Variants in NOTCH2 observed in about 807,000 individuals in gnomAD.
The protein encoded by NOTCH2 is notch receptor 2, also known as neurogenic locus notch homolog protein 2.
A neutral mutation model predicts 235.8 loss-of-function variants in NOTCH2; 29 were observed. The ratio of observed to expected loss-of-function variants is 0.12; its 90% CI spans 0.09 to 0.17. NOTCH2 has a LOEUF of 0.17. Ranked by LOEUF, NOTCH2 falls within the 10% of genes least tolerant of loss-of-function variation. NOTCH2 has a pLI of 1.00. For synonymous variants in NOTCH2, 1,086 were observed against 1,141.5 expected, an observed-to-expected ratio of 0.95 and a Z score of 0.98; for missense variants, 2,285 against 3,150.2, an observed-to-expected ratio of 0.73 and a Z score of 6.57.
Position 119,912,700 on chromosome 1 carries a change from T to C in NOTCH2, c.*2606A>G. On this transcript the variant is annotated 3_prime_UTR_variant, in exon 34 of 34. Transcript: ENST00000256646. ...GAGGATCTATACATGGCATAAAAGA[T>C]GTGTCTCATAAAAACTGAGTCTCCA... 1 of 233,364 alleles carries C rather than the reference T, an allele frequency of 4.3e-6. No individual in the cohort carries two copies. Among genetic ancestry groups the C allele is most frequent in the East Asian group, 6.0e-5 (1 of 16,544 alleles). The allele number at this position is 233,364 out of a possible 1,614,324, so 14.5% of individuals were successfully genotyped here.
intron 16 of NOTCH2, among the ~76,000 whole-genome samples, chr1:119,948,782 G>A (rs900518318): frequency 1.3e-5 from 2 of 152,120 alleles, no homozygotes; most frequent in African/African-American, 4.8e-5. Context: ...GGCTTGTGAG[G>A]CTTAGGTTGC....
At chr1:119,970,040 A>G (rs1429400757) in intron 5 of NOTCH2, among the ~76,000 whole-genome samples, 1 of 152,198 alleles carries the variant, frequency 6.6e-6, no homozygotes, top group African/African-American at 2.4e-5. Flanking sequence ...GAGTTAACTA[A>G]TCCCTGGGTC....
chr1:119,947,540 T>G (rs1650304042), intron 17 of NOTCH2, among the ~76,000 whole-genome samples: 1 of 152,220 alleles, frequency 6.6e-6, no homozygotes, highest in Non-Finnish European at 1.5e-5. Flanking sequence ...CAAACAGAAC[T>G]TTCATACAAT....
rs1553195620 is a variant in NOTCH2, at chr1:119,935,481, C to A, written c.3646G>T (p.Gly1216Cys). ...AAGGATGATTTCATACCCCGAGTGC[C>A]TGGTGGGCAAGAGCACTTGAAATGG... ...VNHFKCSCPP[G>C]TRGLLCEENI... Residue 1216 changes from glycine to cysteine, a missense_variant, in exon 22 of 34, where the codon GGC becomes TGC. Physicochemically the swap from Gly to Cys is radical, Grantham distance 159. Transcript: ENST00000256646. 6.2e-7 allele frequency: 1 copy of A among 1,614,078 alleles called. No individual in the cohort carries two copies. Among genetic ancestry groups the A allele is most frequent in the African/African-American group, 1.3e-5 (1 of 74,922 alleles).
chr1:119,949,639 G>T (rs1370905937), intron 15 of NOTCH2, among the ~76,000 whole-genome samples: 1 of 152,074 alleles, frequency 6.6e-6, no homozygotes, highest in East Asian at 1.9e-4. Flanking sequence ...GCCTGCCTCG[G>T]CCTCCCAAAG....
chr1:119,940,230 T>C (rs1347268109), intron 19 of NOTCH2, among the ~76,000 whole-genome samples: 3 of 152,212 alleles, frequency 2.0e-5, no homozygotes, highest in African/African-American at 7.2e-5. Context: ...TTATTCTCTA[T>C]TTTCTTCAGT....
chr1:120,059,905 TTAAG>T (rs1169674692), intron 1 of NOTCH2, among the ~76,000 whole-genome samples: 2 of 33,488 alleles, frequency 6.0e-5, no homozygotes, highest in Non-Finnish European at 1.2e-4. Context: ...TATTTTTTTA[TTAAG>T]TATTAAAGTA....
At chr1:119,973,845 A>G (rs1456837260) in intron 5 of NOTCH2, among the ~76,000 whole-genome samples, 1 of 152,184 alleles carries the variant, frequency 6.6e-6, no homozygotes, top group Non-Finnish European at 1.5e-5. Flanking sequence ...GGAATACAGG[A>G]TTAAGTCTTA....
At chr1:119,926,047 T>C (rs913831115) in intron 24 of NOTCH2, among the ~76,000 whole-genome samples, 5 of 152,220 alleles carry the variant, frequency 3.3e-5, no homozygotes, top group African/African-American at 1.2e-4. Context: ...ATAGCTAAAA[T>C]TGAGCTTCCC....
chr1:119,919,762 C>T, intron 30 of NOTCH2, 149 bp from the exon 31 acceptor site: 4 of 770,922 alleles, frequency 5.2e-6, no homozygotes, highest in Non-Finnish European at 6.5e-6. Flanking sequence ...TTCACATTTG[C>T]CACCTTTTCC....
chr1:120,004,666 G>T (rs1298730436), intron 3 of NOTCH2, among the ~76,000 whole-genome samples: 1 of 152,112 alleles, frequency 6.6e-6, no homozygotes, highest in African/African-American at 2.4e-5. Flanking sequence ...TGAATGTCTA[G>T]GGAGGGAGAT....
intron 1 of NOTCH2, among the ~76,000 whole-genome samples, chr1:120,062,777 C>A (rs1655358792): frequency 6.8e-6 from 1 of 146,612 alleles, no homozygotes; most frequent in Admixed American, 6.7e-5. Flanking sequence ...AGCAGAGCTA[C>A]AAAGATAGCA....
At chr1:119,978,569 G>A (rs1031563882) in intron 5 of NOTCH2, among the ~76,000 whole-genome samples, 5 of 152,174 alleles carry the variant, frequency 3.3e-5, no homozygotes, top group African/African-American at 4.8e-5. Flanking sequence ...GGCAGATTCC[G>A]GAGGCAGCAG....
chr1:119,961,936 T>C (rs978414897), intron 11 of NOTCH2, among the ~76,000 whole-genome samples: 4 of 152,240 alleles, frequency 2.6e-5, no homozygotes, highest in African/African-American at 7.2e-5. Flanking sequence ...CCTCTTTTAA[T>C]GGATTTTCCA....
At chr1:120,012,751 G>C (rs1413523941) in intron 2 of NOTCH2, among the ~76,000 whole-genome samples, 2 of 152,118 alleles carry the variant, frequency 1.3e-5, no homozygotes, top group Non-Finnish European at 2.9e-5. Context: ...CCTAGACCTT[G>C]CAATGAAATA....
intron 1 of NOTCH2, among the ~76,000 whole-genome samples, chr1:120,031,073 A>T (rs1553210905): frequency 6.6e-6 from 1 of 151,904 alleles, no homozygotes; most frequent in Non-Finnish European, 1.5e-5. Flanking sequence ...ACCTGAAAGC[A>T]AAACTGAGAA....
intron 2 of NOTCH2, among the ~76,000 whole-genome samples, chr1:120,022,803 C>T (rs1458482279): frequency 1.7e-4 from 26 of 151,882 alleles, no homozygotes; most frequent in African/African-American, 6.3e-4. Flanking sequence ...ATGTTCCACA[C>T]TTCCTTTTCA....
rs1370016896 is a variant in NOTCH2 at position 119,950,741 on chromosome 1, C to T, written c.2462G>A (p.Cys821Tyr). 1.2e-6 allele frequency: 2 copies of T among 1,611,402 alleles called. No individual in the cohort carries two copies. Among genetic ancestry groups the T allele is most frequent in the African/African-American group, 1.3e-5 (1 of 74,896 alleles). ...FDDISGYTCH[C>Y]VLPYTGKNCQ... ...GGACCCACCTGTGTATGGCAGCACA[C>T]AGTGGCAAGTGTAGCCACTTATGTC... The change falls in exon 15 of 34, where the codon TGT becomes TAT. Residue 821 changes from cysteine to tyrosine, a missense_variant. Transcript: ENST00000256646.
rs1386811471 is a variant in NOTCH2, at chr1:119,925,676, A to C, written c.4140T>G (p.Ser1380Arg). 1.2e-6 allele frequency: 2 copies of C among 1,612,402 alleles called. No homozygotes were observed. The change falls in exon 25 of 34, where the codon AGT becomes AGG. Residue 1380 changes from serine to arginine, a missense_variant. Physicochemically the swap from Ser to Arg is moderately radical, Grantham distance 110. Coordinates refer to ENST00000256646, the MANE Select transcript of NOTCH2 (RefSeq NM_024408.4). ...SPRDCESGCA[S>R]SPCQHGGSCH... Reference sequence around the variant, plus strand: ...AGCTGCCCCCGTGCTGGCAGGGGCTACTGGCACAGCCTGACTCGCAGTCCC... The same window carrying C: ...AGCTGCCCCCGTGCTGGCAGGGGCTCCTGGCACAGCCTGACTCGCAGTCCC...
Sources: gnomAD v4.1 joint callset for allele counts (sites outside exome capture counted in the v4.1 genomes callset) on GRCh38, gnomAD v4.1.1 for gene constraint, MANE v1.5 for transcripts, NCBI Gene and HGNC (gene_info 2026-07-23, HGNC 2026-07-21) for gene names.